The following ATP8B4 variants were observed in gnomAD, a reference collection of about 807,000 sequenced individuals.
ATP8B4 encodes the protein ATPase phospholipid transporting 8B4 (putative), also known as probable phospholipid-transporting ATPase IM.
Under a neutral mutation model 145.6 loss-of-function variants are expected in ATP8B4, and 133 were observed. The ratio of observed to expected loss-of-function variants is 0.91; its 90% CI spans 0.79 to 1.05. The LOEUF is 1.05. ATP8B4 is among the 50% of genes least tolerant of loss of function. ATP8B4 has a pLI of 0.00. For synonymous variants in ATP8B4, 507 were observed against 492.9 expected (o/e 1.03, Z -0.38); for missense variants, 1,458 against 1,425.2 (o/e 1.02, Z -0.37).
intron 3 of ATP8B4, among the ~76,000 whole-genome samples, chr15:50,064,441 G>C (rs2053238390): frequency 6.6e-6 from 1 of 152,180 alleles, no homozygotes; most frequent in East Asian, 1.9e-4. Flanking sequence ...TCTGAGAACA[G>C]TCTCTCATTA....
intron 1 of ATP8B4, among the ~76,000 whole-genome samples, chr15:50,142,851 G>T (rs1595641991): frequency 6.6e-6 from 1 of 152,114 alleles, no homozygotes; most frequent in South Asian, 2.1e-4. Flanking sequence ...ACTCAATTAC[G>T]CACACATCTG....
intron 9 of ATP8B4, among the ~76,000 whole-genome samples, chr15:49,993,162 G>T (rs1230020489): frequency 6.6e-6 from 1 of 151,954 alleles, no homozygotes; most frequent in Admixed American, 6.6e-5. Context: ...GTACTTAGGA[G>T]GTACTTAATA....
chr15:49,893,399 C>T (rs1219257800), intron 23 of ATP8B4, among the ~76,000 whole-genome samples: 1 of 151,940 alleles, frequency 6.6e-6, no homozygotes, highest in African/African-American at 2.4e-5. Context: ...GGAAACAACC[C>T]AAATGTCCAT....
At chr15:50,016,611 G>T (rs564062782) in intron 6 of ATP8B4, among the ~76,000 whole-genome samples, 2 of 152,228 alleles carry the variant, frequency 1.3e-5, no homozygotes, top group East Asian at 3.9e-4. Context: ...TCTGGAGCTG[G>T]AACAGGCCTT....
rs147311040 is a variant in ATP8B4 at position 50,173,812 on chromosome 15, T to C, written c.-43+8449A>G. On this transcript the variant is annotated intron_variant, in intron 1 of 3. Coordinates refer to the ATP8B4 transcript ENST00000558829. ...TTCTATGAAGCCAGCATCACCCTAA[T>C]ACCAAAACCAGGAAAGGACATAACC... 5.4e-3 allele frequency among the ~76,000 whole-genome samples: 823 copies of C among 152,020 alleles called. 8 individuals are homozygous for C. The highest frequency in any genetic ancestry group is 0.019 in the African/African-American group (773 of 41,426).
intron 16 of ATP8B4, among the ~76,000 whole-genome samples, chr15:49,926,446 T>A (rs2040734970): frequency 6.6e-6 from 1 of 152,168 alleles, no homozygotes; most frequent in Non-Finnish European, 1.5e-5. Flanking sequence ...GTTTTACCCA[T>A]TCCAGTACTG....
At chr15:50,030,000 A>G (rs951730927) in intron 6 of ATP8B4, among the ~76,000 whole-genome samples, 4 of 152,244 alleles carry the variant, frequency 2.6e-5, no homozygotes, top group Non-Finnish European at 5.9e-5. Flanking sequence ...GAAATAATCA[A>G]CAAATGCTGT....
chr15:49,962,984 C>T (rs1340588115), intron 13 of ATP8B4, among the ~76,000 whole-genome samples: 2 of 151,958 alleles, frequency 1.3e-5, no homozygotes, highest in African/African-American at 4.8e-5. Context: ...AGACAACCTA[C>T]AGAATGAGAG....
At chr15:49,960,192 A>G (rs1008146772) in intron 14 of ATP8B4, among the ~76,000 whole-genome samples, 16 of 152,006 alleles carry the variant, frequency 1.1e-4, no homozygotes, top group African/African-American at 3.9e-4. Flanking sequence ...ACGCTTGGCT[A>G]ATTTTTATGT....
intron 1 of ATP8B4, among the ~76,000 whole-genome samples, chr15:50,171,655 A>G (rs2044676050): frequency 6.6e-6 from 1 of 152,202 alleles, no homozygotes; most frequent in Non-Finnish European, 1.5e-5. Flanking sequence ...AACTAGAGAA[A>G]CAAGAACAAA....
intron 1 of ATP8B4, among the ~76,000 whole-genome samples, chr15:50,139,602 A>G (rs192210260): frequency 2.0e-4 from 31 of 152,340 alleles, no homozygotes; most frequent in Non-Finnish European, 3.5e-4. Context: ...TTAAAGTAAA[A>G]TAAAAATAAA....
chr15:50,063,790 A>C (rs765660783), intron 3 of ATP8B4, among the ~76,000 whole-genome samples: 6 of 152,130 alleles, frequency 3.9e-5, no homozygotes, highest in Non-Finnish European at 5.9e-5. Flanking sequence ...TTTCCTGGAG[A>C]TCTGTTTATT....
intron 13 of ATP8B4, among the ~76,000 whole-genome samples, chr15:49,966,805 C>T (rs1387867060): frequency 2.0e-5 from 3 of 152,216 alleles, no homozygotes; most frequent in African/African-American, 7.2e-5. Flanking sequence ...GGTCCCTGAC[C>T]CCTGTGTATC....
intron 16 of ATP8B4, among the ~76,000 whole-genome samples, chr15:49,929,311 T>C (rs1435563003): frequency 6.6e-6 from 1 of 152,252 alleles, no homozygotes. Flanking sequence ...TTGTCTTAAA[T>C]GGGACATGCA....
chr15:50,136,502 A>G (rs1312117949), intron 1 of ATP8B4, among the ~76,000 whole-genome samples: 1 of 152,224 alleles, frequency 6.6e-6, no homozygotes, highest in Non-Finnish European at 1.5e-5. Flanking sequence ...TGGGTTGTAA[A>G]GACTGTTTGA....
At chr15:49,865,559 T>C (rs1190376402) in intron 26 of ATP8B4, among the ~76,000 whole-genome samples, 1 of 152,088 alleles carries the variant, frequency 6.6e-6, no homozygotes, top group African/African-American at 2.4e-5. Flanking sequence ...GCCCTCAACT[T>C]GTAGGATCTG....
intron 3 of ATP8B4, among the ~76,000 whole-genome samples, chr15:50,055,011 T>C (rs1470706574): frequency 6.6e-6 from 1 of 152,094 alleles, no homozygotes; most frequent in Non-Finnish European, 1.5e-5. Flanking sequence ...ACCCTCCTAA[T>C]TACAATTTTG....
At chr15:49,991,182 A>C (rs779404742) in intron 9 of ATP8B4, among the ~76,000 whole-genome samples, 1 of 152,152 alleles carries the variant, frequency 6.6e-6, no homozygotes, top group Non-Finnish European at 1.5e-5. Context: ...GATGCTAACC[A>C]AGCTATTTTT....
intron 9 of ATP8B4, among the ~76,000 whole-genome samples, chr15:49,988,097 G>C (rs987789982): frequency 1.3e-5 from 2 of 152,182 alleles, no homozygotes; most frequent in African/African-American, 4.8e-5. Context: ...ATTCCTTTCA[G>C]CTGTTCTATG....
Sources: allele counts gnomAD v4.1 joint callset (sites outside exome capture counted in the v4.1 genomes callset), GRCh38; gene constraint gnomAD v4.1.1; transcripts MANE v1.5; gene names NCBI Gene and HGNC (gene_info 2026-07-23, HGNC 2026-07-21).